The following C12orf56 variants were observed in gnomAD, a reference collection of about 807,000 sequenced individuals.
The protein encoded by C12orf56 is uncharacterized protein C12orf56.
Under a neutral mutation model 69.9 loss-of-function variants are expected in C12orf56, and 71 were observed. That is an observed-to-expected ratio of 1.02 (90% CI 0.84 to 1.24). C12orf56 has a LOEUF of 1.24. C12orf56 is among the 50% of genes most tolerant of loss of function. The pLI is 0.00. For missense variants in C12orf56, 732 were observed against 738.5 expected (o/e 0.99, Z 0.10); for synonymous variants, 276 against 274.1 (o/e 1.01, Z -0.07).
chr12:64,279,438 C>T (rs1330805009), intron 8 of C12orf56, among the ~76,000 whole-genome samples: 1 of 152,148 alleles, frequency 6.6e-6, no homozygotes, highest in East Asian at 1.9e-4. Flanking sequence ...TAATTGAAGA[C>T]AATGTCAGAG....
chr12:64,316,098 T>A (rs73116187), intron 4 of C12orf56, among the ~76,000 whole-genome samples: 41,225 of 151,956 alleles, frequency 0.27, 5,967 homozygotes, highest in East Asian at 0.5. Flanking sequence ...TTTATTTTTT[T>A]AATTTTATTT....
At chr12:64,379,326 C>T (rs2039681002) in intron 1 of C12orf56, among the ~76,000 whole-genome samples, 1 of 150,794 alleles carries the variant, frequency 6.6e-6, no homozygotes, top group Non-Finnish European at 1.5e-5. Context: ...CGCTCTGTCT[C>T]CCAGGCTGGA....
In C12orf56 at chr12:64,267,137, G is replaced by T; in HGVS notation, c.*46C>A. 7.3e-7 allele frequency: 1 copy of T among 1,364,758 alleles called. No homozygotes were observed. The highest frequency in any genetic ancestry group is 1.4e-5 in the South Asian group (1 of 73,208). The allele number at this position is 1,364,758 out of a possible 1,614,324, so 84.5% of individuals were successfully genotyped here. A position where few individuals can be genotyped will look rare whatever the true frequency, so the allele number is the denominator to read the frequency against. ...TCTCGTGAATATCAAGTTGACTCTTGATTAACATTTTATACTCTTATTAAC... is the reference window on the plus strand; with the variant it reads ...TCTCGTGAATATCAAGTTGACTCTTTATTAACATTTTATACTCTTATTAAC... On this transcript the variant is annotated 3_prime_UTR_variant, in exon 13 of 13. Transcript: ENST00000543942.
At position 64,338,218 on chromosome 12, in the gene C12orf56, G is replaced by A. The variant is rs139609334; in HGVS notation, c.416-7186C>T. On this transcript the variant is annotated intron_variant, in intron 2 of 12. Coordinates refer to ENST00000543942, the MANE Select transcript of C12orf56 (RefSeq NM_001170633.2). ...GGCATTTGCCCTGAACAAGCCCCCC[G>A]ACTTCTGGCATCATCTGCTGGACTA... 340 of 571,480 alleles carry A rather than the reference G, an allele frequency of 5.9e-4. 1 individual carries two copies. In the East Asian group the frequency reaches 0.013, roughly 22 times the overall value. The allele number at this position is 571,480 out of a possible 1,614,324, so 35.4% of individuals were successfully genotyped here.
intron 2 of C12orf56, chr12:64,352,472 G>T (rs1397791227): frequency 6.5e-6 from 1 of 153,620 alleles, no homozygotes; most frequent in Non-Finnish European, 1.4e-5. Context: ...TTTAGACAGG[G>T]GAAAGATAGA....
At chr12:64,324,777 T>C (rs958784110) in intron 3 of C12orf56, among the ~76,000 whole-genome samples, 1 of 152,124 alleles carries the variant, frequency 6.6e-6, no homozygotes, top group Admixed American at 6.5e-5. Context: ...GTACTGAGAA[T>C]GGAGGTGGAG....
chr12:64,321,802 T>A (rs2038777356), intron 3 of C12orf56, among the ~76,000 whole-genome samples: 1 of 152,112 alleles, frequency 6.6e-6, no homozygotes, highest in African/African-American at 2.4e-5. Context: ...AAGTTCTAAG[T>A]ATCTTTTAAT....
At chr12:64,352,070 G>T (rs2039230141) in intron 2 of C12orf56, among the ~76,000 whole-genome samples, 1 of 150,854 alleles carries the variant, frequency 6.6e-6, no homozygotes. Flanking sequence ...GCCAGCAAAA[G>T]AGTAAAAGGT....
chr12:64,338,607 G>A, intron 2 of C12orf56: 1 of 1,587,896 alleles, frequency 6.3e-7, no homozygotes, highest in Non-Finnish European at 8.6e-7. Context: ...TGCTCAATCT[G>A]TTTCTCTTTC....
chr12:64,375,145 C>T (rs1389398979), intron 1 of C12orf56, among the ~76,000 whole-genome samples: 1 of 151,964 alleles, frequency 6.6e-6, no homozygotes, highest in Non-Finnish European at 1.5e-5. Context: ...GCAACCTCCG[C>T]CTCCCAGGTT....
intron 1 of C12orf56, among the ~76,000 whole-genome samples, chr12:64,373,407 A>C (rs1480386934): frequency 1.3e-5 from 2 of 152,156 alleles, no homozygotes; most frequent in African/African-American, 4.8e-5. Flanking sequence ...CTGAGATTGC[A>C]CCACTGCACC....
At chr12:64,388,215 G>A (rs1390105062) in intron 1 of C12orf56, among the ~76,000 whole-genome samples, 2 of 152,192 alleles carry the variant, frequency 1.3e-5, no homozygotes, top group African/African-American at 4.8e-5. Flanking sequence ...TGGGATTACA[G>A]GCGTGAGCCA....
At chr12:64,380,103 GC>G (rs2039693886) in intron 1 of C12orf56, among the ~76,000 whole-genome samples, 1 of 19,760 alleles carries the variant, frequency 5.1e-5, no homozygotes, top group African/African-American at 3.1e-4. Flanking sequence ...AGACTCCGTC[GC>G]AAAAAAAAAA....
At position 64,264,976 on chromosome 12, in the gene C12orf56, CAA is replaced by C. The variant is rs1035269765; in HGVS notation, c.*2205_*2206del. The C allele has an allele frequency of 6.6e-6, 1 of 152,114 alleles. No homozygotes were observed. Among genetic ancestry groups the C allele is most frequent in the Non-Finnish European group, 1.5e-5 (1 of 68,052 alleles). 9.4% of individuals were successfully genotyped at this position (152,114 alleles called of 1,614,324 possible). ...CAGAGATTAAAGTAAGATCCCAGGG[CAA>C]AGAGAGGAGTGGGAGAGGCATGCAG... On this transcript the variant is annotated 3_prime_UTR_variant, in exon 13 of 13. Coordinates refer to ENST00000543942, the MANE Select transcript of C12orf56 (RefSeq NM_001170633.2).
chr12:64,312,919 T>C (rs1361412311), intron 4 of C12orf56, among the ~76,000 whole-genome samples, 167 bp from the exon 5 acceptor site: 2 of 152,172 alleles, frequency 1.3e-5, no homozygotes, highest in Non-Finnish European at 2.9e-5. Context: ...ATTTTTTTCT[T>C]ATCCAGTTTT....
Position 64,312,698 on chromosome 12 carries a change from C to T in C12orf56, c.949G>A (p.Gly317Arg), listed in dbSNP as rs773887349. ...TCTTACCTATATGGCTTTTGACTTC[C>T]AATAGCAGGACTGAACTCACTAGCA... Reference protein sequence around the residue: ...FYASEFSPAIGSQKPYRSEEK... With the variant: ...FYASEFSPAIRSQKPYRSEEK... Residue 317 changes from glycine (G) to arginine (R), a missense_variant, in exon 5 of 13, where the codon GGA (glycine) becomes AGA (arginine). Transcript: ENST00000543942. 1.3e-5 allele frequency: 20 copies of T among 1,536,260 alleles called. No individual in the cohort carries two copies. The South Asian group carries it at 2.3e-4, about 17-fold the overall frequency.
intron 11 of C12orf56, among the ~76,000 whole-genome samples, chr12:64,271,918 T>G (rs557601612): frequency 6.6e-6 from 1 of 152,350 alleles, no homozygotes; most frequent in South Asian, 2.1e-4. Flanking sequence ...CTTGAATGAT[T>G]TGTTTCTGCC....
chr12:64,368,755 C>G (rs2039531382), intron 1 of C12orf56, among the ~76,000 whole-genome samples: 1 of 152,156 alleles, frequency 6.6e-6, no homozygotes. Flanking sequence ...GTGGGGAAAA[C>G]TATAAACTAG....
intron 3 of C12orf56, among the ~76,000 whole-genome samples, chr12:64,322,340 C>G (rs2038784099): frequency 6.6e-6 from 1 of 152,128 alleles, no homozygotes; most frequent in Admixed American, 6.6e-5. Context: ...CATCTCCATT[C>G]CAGCTATTGA....
Sources: gnomAD v4.1 joint callset for allele counts (sites outside exome capture counted in the v4.1 genomes callset) on GRCh38, gnomAD v4.1.1 for gene constraint, MANE v1.5 for transcripts, NCBI Gene and HGNC (gene_info 2026-07-23, HGNC 2026-07-21) for gene names.